SAMD12: variants seen among roughly 807,000 people sequenced by gnomAD.
The protein encoded by SAMD12 is sterile alpha motif domain containing 12.
Under a neutral mutation model 15.0 loss-of-function variants are expected in SAMD12, and 9 were observed. That is an observed-to-expected ratio of 0.60 (90% CI 0.36 to 1.05). The LOEUF (loss-of-function observed/expected upper bound fraction) is 1.05. Among genes scored for constraint, SAMD12 ranks in the 50% least tolerant of loss-of-function variants. The probability of loss-of-function intolerance (pLI) is 0.01; values close to 1 mark genes in which losing one functional copy is unlikely to be tolerated. For synonymous variants in SAMD12, 86 were observed against 90.1 expected (o/e 0.96, Z 0.25); for missense variants, 230 against 234.2 (o/e 0.98, Z 0.12).
At chr8:118,221,160 C>G (rs1812074898) in intron 4 of SAMD12, among the ~76,000 whole-genome samples, 1 of 151,982 alleles carries the variant, frequency 6.6e-6, no homozygotes, top group Non-Finnish European at 1.5e-5. Context: ...CGGTCTGGCT[C>G]TATGCAATAA....
At chr8:118,298,110 T>C (rs931083256) in intron 4 of SAMD12, among the ~76,000 whole-genome samples, 3 of 152,214 alleles carry the variant, frequency 2.0e-5, no homozygotes, top group Non-Finnish European at 4.4e-5. Flanking sequence ...AACATACATA[T>C]GTAGTTCCTT....
At chr8:118,553,771 G>T (rs1054899000) in intron 2 of SAMD12, among the ~76,000 whole-genome samples, 1 of 150,464 alleles carries the variant, frequency 6.6e-6, no homozygotes, top group African/African-American at 2.5e-5. Flanking sequence ...GAAACTTTTC[G>T]CAACCTACTC....
chr8:118,365,517 C>G (rs1470399527), intron 4 of SAMD12, among the ~76,000 whole-genome samples: 1 of 152,112 alleles, frequency 6.6e-6, no homozygotes, highest in Non-Finnish European at 1.5e-5. Flanking sequence ...TGCCCTTGGA[C>G]ACTGTAGCTA....
intron 2 of SAMD12, among the ~76,000 whole-genome samples, chr8:118,553,855 A>T (rs1826430427): frequency 6.7e-6 from 1 of 148,782 alleles, no homozygotes; most frequent in African/African-American, 2.5e-5. Context: ...AAACAACCCC[A>T]TCAAAAAGTG....
At chr8:118,236,290 T>C (rs1159132269) in intron 4 of SAMD12, among the ~76,000 whole-genome samples, 1 of 152,216 alleles carries the variant, frequency 6.6e-6, no homozygotes, top group African/African-American at 2.4e-5. Context: ...TGTGCCTTCA[T>C]AGCATTAGAG....
chr8:118,188,730 A>G (rs1306754542), downstream of SAMD12, among the ~76,000 whole-genome samples: 2 of 152,130 alleles, frequency 1.3e-5, no homozygotes, highest in Admixed American at 6.6e-5. Flanking sequence ...TAGAGCAGGA[A>G]AATGGTCAAT....
rs966174435 is a variant in SAMD12, at chr8:118,367,965, G to A, written c.433+11595C>T. 3.9e-5 allele frequency among the ~76,000 whole-genome samples: 6 copies of A among 152,102 alleles called. No individual in the cohort carries two copies. The South Asian group carries it at 6.2e-4, about 16-fold the overall frequency. ...CCTAATGGATTCCCAGAATAAAAACGAAACAGGAAAAGATGCTAATCAGGA... is the reference window on the plus strand; with the variant it reads ...CCTAATGGATTCCCAGAATAAAAACAAAACAGGAAAAGATGCTAATCAGGA... On this transcript the variant is annotated intron_variant, in intron 4 of 4. Transcript: ENST00000409003.
intron 2 of SAMD12, among the ~76,000 whole-genome samples, chr8:118,551,412 G>A (rs1382773506): frequency 2.0e-5 from 3 of 151,556 alleles, no homozygotes; most frequent in Non-Finnish European, 2.9e-5. Context: ...TGAACAACCT[G>A]CTCCTGAATG....
At chr8:118,619,766 T>A (rs1828344843) in intron 1 of SAMD12, among the ~76,000 whole-genome samples, 1 of 152,022 alleles carries the variant, frequency 6.6e-6, no homozygotes, top group African/African-American at 2.4e-5. Flanking sequence ...AGGAGGCACT[T>A]CCCATAGACT....
At chr8:118,571,648 T>C (rs563510503) in intron 2 of SAMD12, among the ~76,000 whole-genome samples, 2 of 152,290 alleles carry the variant, frequency 1.3e-5, no homozygotes, top group South Asian at 4.1e-4. Flanking sequence ...ACACAGAGCT[T>C]GGGCCGTCGC....
At chr8:118,311,476 A>G (rs1046986268) in intron 4 of SAMD12, among the ~76,000 whole-genome samples, 18 of 152,180 alleles carry the variant, frequency 1.2e-4, no homozygotes, top group African/African-American at 3.9e-4. Context: ...AACACTTACT[A>G]TCTAGCCCTT....
chr8:118,346,826 T>C (rs1817685840), intron 4 of SAMD12, among the ~76,000 whole-genome samples: 1 of 152,212 alleles, frequency 6.6e-6, no homozygotes, highest in African/African-American at 2.4e-5. Flanking sequence ...ACAGGATGTG[T>C]TGAATTCCTC....
Position 118,309,773 on chromosome 8 carries a change from C to T in SAMD12, c.433+69787G>A, listed in dbSNP as rs563960144. Among the ~76,000 whole-genome samples the T allele has an allele frequency of 1.1e-4, 16 of 152,342 alleles. No individual in the cohort carries two copies. The Middle Eastern group carries it at 0.014, about 130-fold the overall frequency. On this transcript the variant is annotated intron_variant, in intron 4 of 4. Transcript: ENST00000409003. ...ATGAAGGCCTCCCTTACCATCTTCA[C>T]TTAGCTCCTGGGTCTCTGATGACAT...
chr8:118,545,812 T>A (rs141096927), intron 2 of SAMD12, among the ~76,000 whole-genome samples: 1 of 152,216 alleles, frequency 6.6e-6, no homozygotes, highest in Non-Finnish European at 1.5e-5. Flanking sequence ...AGTTAACATG[T>A]GTCAAGCTTC....
chr8:118,426,124 C>T (rs1822228123), intron 3 of SAMD12, among the ~76,000 whole-genome samples: 1 of 152,156 alleles, frequency 6.6e-6, no homozygotes, highest in African/African-American at 2.4e-5. Flanking sequence ...GTGTTTGGCT[C>T]ATAGTGGTGT....
At chr8:118,542,245 A>G (rs1826006536) in intron 2 of SAMD12, among the ~76,000 whole-genome samples, 1 of 152,176 alleles carries the variant, frequency 6.6e-6, no homozygotes, top group South Asian at 2.1e-4. Context: ...GAGTACCAAA[A>G]AGATACTCTT....
rs150570902 is a variant in SAMD12 at position 118,356,760 on chromosome 8, CCT to C, written c.433+22798_433+22799del. On this transcript the variant is annotated intron_variant, in intron 4 of 4. Coordinates refer to the SAMD12 transcript ENST00000409003. ...TCAAACCTCACATGTCTCAAACTGA[CCT>C]CTCTCATTTCCAGGACAACTCTCTG... is the stretch of plus-strand genomic sequence containing the variant. 6.0e-3 allele frequency among the ~76,000 whole-genome samples: 920 copies of C among 152,226 alleles called. 8 individuals are homozygous for C. The highest frequency in any genetic ancestry group is 0.021 in the African/African-American group (881 of 41,538).
chr8:118,294,945 A>G (rs1355382571), intron 4 of SAMD12, among the ~76,000 whole-genome samples: 1 of 152,182 alleles, frequency 6.6e-6, no homozygotes, highest in Non-Finnish European at 1.5e-5. Flanking sequence ...CAAAGTTTAG[A>G]AAGCAGGAAC....
chr8:118,488,414 C>T (rs1366406611), intron 2 of SAMD12, among the ~76,000 whole-genome samples: 2 of 152,128 alleles, frequency 1.3e-5, no homozygotes, highest in Non-Finnish European at 2.9e-5. Flanking sequence ...CTAATCTTTA[C>T]AGGTACAGTG....
Sources: allele counts gnomAD v4.1 joint callset (sites outside exome capture counted in the v4.1 genomes callset), GRCh38; gene constraint gnomAD v4.1.1; transcripts MANE v1.5; gene names NCBI Gene and HGNC (gene_info 2026-07-23, HGNC 2026-07-21).